PIGR: variants seen among roughly 807,000 people sequenced by gnomAD.
PIGR encodes polymeric immunoglobulin receptor, also known as hepatocellular carcinoma associated protein TB6.
Under a neutral mutation model 69.5 loss-of-function variants are expected in PIGR, and 22 were observed. The ratio of observed to expected loss-of-function variants is 0.32; its 90% CI spans 0.23 to 0.45. The LOEUF is 0.45. Among genes scored for constraint, PIGR ranks in the 20% least tolerant of loss-of-function variants. The pLI, the probability that PIGR is intolerant of heterozygous loss-of-function variation, is 1.00. For synonymous variants in PIGR, 413 were observed against 407.6 expected, an observed-to-expected ratio of 1.01 and a Z score of -0.16; for missense variants, 885 against 974.0, an observed-to-expected ratio of 0.91 and a Z score of 1.22.
At position 206,931,491 on chromosome 1, in the gene PIGR, C is replaced by T. The variant is rs757350523; in HGVS notation, c.2199+6G>A. The T allele has an allele frequency of 1.9e-6, 3 of 1,613,964 alleles. No homozygotes were observed. Among genetic ancestry groups the T allele is most frequent in the African/African-American group, 2.7e-5 (2 of 74,880 alleles). ...CATGTAGTGGGGCTTCCTTCTTCCT[C>T]CTCACCCTTTTTGCCTTCTTGGGTT... On this transcript the variant is annotated splice_donor_region_variant and intron_variant, in intron 10 of 10. Transcript: ENST00000356495.
intron 4 of PIGR, among the ~76,000 whole-genome samples, chr1:206,936,080 A>G (rs503746): frequency 0.18 from 28,088 of 152,116 alleles, 6,596 homozygotes; most frequent in African/African-American, 0.55. Context: ...TATTCTGAGC[A>G]GAGAATGGAA....
chr1:206,936,977 T>C (rs886396848), intron 4 of PIGR, 118 bp downstream of exon 4: 11 of 1,020,034 alleles, frequency 1.1e-5, no homozygotes, highest in Admixed American at 6.3e-5. Context: ...GGGCTGGTCA[T>C]TGAGTGGATG....
At chr1:206,932,419 T>A in intron 8 of PIGR, 37 bp downstream of exon 8, 1 of 1,585,896 alleles carries the variant, frequency 6.3e-7, no homozygotes, top group Non-Finnish European at 8.6e-7. Flanking sequence ...AGGGCTCGGG[T>A]TGGAGGTGGG....
Position 206,932,455 on chromosome 1 carries a change from C to A in PIGR, c.2008+1G>T, listed in dbSNP as rs766535131. On this transcript the variant is annotated splice_donor_variant, in intron 8 of 10. Transcript: ENST00000356495. LOFTEE classifies it high-confidence loss of function. ...AGGCAGGGAGTATCCCAGGGACTCA[C>A]CGACGTTCTTCCTGTGCCGGGCTCT... 1 of 1,609,976 alleles carries A rather than the reference C, an allele frequency of 6.2e-7. No individual in the cohort carries two copies. The highest frequency in any genetic ancestry group is 1.1e-5 in the South Asian group (1 of 90,550).
rs291097 is a variant in PIGR at position 206,937,543 on chromosome 1, G to A, written c.597C>T (p.Gly199=). Residue 199 remains glycine, a synonymous_variant, in exon 4 of 11, where the codon GGC becomes GGT. Transcript: ENST00000356495. ...TGATGACAACGCTGAACAGTAACTG[G>A]CCAGTACCCTGAATATCAAGGCGTA... ...GRIRLDIQGT[G]QLLFSVVINQ... 0.061 allele frequency: 98,573 copies of A among 1,613,986 alleles called. 16,740 individuals are homozygous for A. The African/African-American group carries it at 0.61, about 10-fold the overall frequency.
At chr1:206,945,569 T>C (rs1680088337) in intron 1 of PIGR, among the ~76,000 whole-genome samples, 1 of 152,072 alleles carries the variant, frequency 6.6e-6, no homozygotes, top group Admixed American at 6.5e-5. Context: ...TTTTTCTACC[T>C]CTAGGAAGGG....
intron 9 of PIGR, 54 bp from the exon 10 acceptor site, chr1:206,931,609 A>G: frequency 6.2e-7 from 1 of 1,613,904 alleles, no homozygotes; most frequent in Non-Finnish European, 8.5e-7. Context: ...TTCCCAACCC[A>G]GATGTGAGAC....
chr1:206,932,895 G>C (rs1401090754), intron 7 of PIGR, 91 bp downstream of exon 7: 13 of 1,317,646 alleles, frequency 9.9e-6, no homozygotes, highest in Non-Finnish European at 1.4e-5. Flanking sequence ...TCAAGAGACA[G>C]ATGGGCTTTC....
chr1:206,935,764 A>G lies in PIGR; in HGVS notation c.1100T>C (p.Val367Ala). The change falls in exon 5 of 11, where the codon GTG becomes GCG. Residue 367 changes from valine to alanine, a missense_variant. Coordinates refer to ENST00000356495, the MANE Select transcript of PIGR (RefSeq NM_002644.4). This position sits in a 1 kb window ranked among gnomAD's most constrained non-coding sequence, Gnocchi z 4.4. ...TVVKGVAGGS[V>A]AVLCPYNRKE... The stretch of plus-strand genomic sequence containing the variant: ...ACGGTTGTAGGGGCAGAGCACGGCC[A>G]CAGAGCCTCCTGCCACCCCCTTCAC... The G allele has an allele frequency of 6.2e-7, 1 of 1,613,484 alleles. No homozygotes were observed. The highest frequency in any genetic ancestry group is 8.5e-7 in the Non-Finnish European group (1 of 1,179,504).
chr1:206,945,785 T>C (rs980424252), intron 1 of PIGR, among the ~76,000 whole-genome samples: 1 of 152,228 alleles, frequency 6.6e-6, no homozygotes, highest in African/African-American at 2.4e-5. Context: ...CACTATCTAA[T>C]TCCAGGTCTG....
chr1:206,945,065 G>A (rs1680077807), intron 1 of PIGR, among the ~76,000 whole-genome samples: 1 of 152,174 alleles, frequency 6.6e-6, no homozygotes, highest in Non-Finnish European at 1.5e-5. Flanking sequence ...GCGGCACTAG[G>A]AGATAAGCAG....
chr1:206,935,756 G>C lies in PIGR; in HGVS notation c.1108C>G (p.Leu370Val). The stretch of plus-strand genomic sequence containing the variant: ...CTTTCCTTACGGTTGTAGGGGCAGA[G>C]CACGGCCACAGAGCCTCCTGCCACC... ...KGVAGGSVAV[L>V]CPYNRKESKS... The change falls in exon 5 of 11, where the codon CTC (leucine) becomes GTC (valine). Residue 370 changes from leucine to valine, a missense_variant. Physicochemically the swap from Leu to Val is conservative, Grantham distance 32. Transcript: ENST00000356495. This position sits in a 1 kb window ranked among gnomAD's most constrained non-coding sequence, Gnocchi z 4.4. The C allele has an allele frequency of 6.2e-7, 1 of 1,613,844 alleles. No individual in the cohort carries two copies. The highest frequency in any genetic ancestry group is 8.5e-7 in the Non-Finnish European group (1 of 1,179,798).
intron 6 of PIGR, 77 bp from the exon 7 acceptor site, chr1:206,933,243 A>G: frequency 2.1e-6 from 3 of 1,423,494 alleles, no homozygotes; most frequent in South Asian, 2.6e-5. Flanking sequence ...AGTCTGGGGG[A>G]GACTTCATGA....
At chr1:206,943,968 G>A (rs189979140) in intron 1 of PIGR, among the ~76,000 whole-genome samples, 2 of 152,332 alleles carry the variant, frequency 1.3e-5, no homozygotes, top group African/African-American at 4.8e-5. Context: ...AGAGAGGTGA[G>A]ACATTTGCCC....
In PIGR at chr1:206,929,121, T is replaced by G. The variant is rs1558010145; in HGVS notation, c.*1197A>C. 6.7e-6 allele frequency: 1 copy of G among 150,216 alleles called. No individual in the cohort carries two copies. The highest frequency in any genetic ancestry group is 1.5e-5 in the Non-Finnish European group (1 of 67,958). 9.3% of individuals were successfully genotyped at this position (150,216 alleles called of 1,614,324 possible). A position where few individuals can be genotyped will look rare whatever the true frequency, so the allele number is the denominator to read the frequency against. ...AGCCAGACATGGTGGCCCACATCTG[T>G]AGTCCCAGCTACTTGAGAGGCTGAG... On this transcript the variant is annotated 3_prime_UTR_variant, in exon 11 of 11. Coordinates refer to ENST00000356495, the MANE Select transcript of PIGR (RefSeq NM_002644.4).
rs770803277 is a variant in PIGR at position 206,934,684 on chromosome 1, G to C, written c.1441C>G (p.Pro481Ala). Reference sequence around the variant, plus strand: ...GAGAATTTGCATGGAAAGTGACAGGGGACCTTGAGAGTCTCTCCCAGCACA... The same window carrying C: ...GAGAATTTGCATGGAAAGTGACAGGCGACCTTGAGAGTCTCTCCCAGCACA... ...TAVLGETLKV[P>A]CHFPCKFSSY... Residue 481 changes from proline to alanine, a missense_variant, in exon 6 of 11, where the codon CCC becomes GCC. Pro to Ala is a conservative substitution (Grantham distance 27). Transcript: ENST00000356495. 2.5e-6 allele frequency: 4 copies of C among 1,613,218 alleles called. No individual in the cohort carries two copies. The East Asian group carries it at 8.9e-5, about 36-fold the overall frequency.
chr1:206,930,119 C>G lies in PIGR; in HGVS notation c.*199G>C, dbSNP rs1332311063. Reference sequence around the variant, plus strand: ...AAGTTGCAAGTGGGACCTCCTCATGCCACCCTCATCCCCAATAGGAACAAT... The same window carrying G: ...AAGTTGCAAGTGGGACCTCCTCATGGCACCCTCATCCCCAATAGGAACAAT... On this transcript the variant is annotated 3_prime_UTR_variant, in exon 11 of 11. Transcript: ENST00000356495. The surrounding 1 kb of genome is among the most constrained non-coding windows in gnomAD (Gnocchi z 4.3). 1 of 452,074 alleles carries G rather than the reference C, an allele frequency of 2.2e-6. No homozygotes were observed. The highest frequency in any genetic ancestry group is 3.9e-6 in the Non-Finnish European group (1 of 257,540). 28.0% of individuals were successfully genotyped at this position (452,074 alleles called of 1,614,324 possible).
chr1:206,937,158 G>C lies in PIGR; in HGVS notation c.982C>G (p.His328Asp). 1 of 1,613,580 alleles carries C rather than the reference G, an allele frequency of 6.2e-7. No individual in the cohort carries two copies. Among genetic ancestry groups the C allele is most frequent in the Non-Finnish European group, 8.5e-7 (1 of 1,179,786 alleles). The change falls in exon 4 of 11, where the codon CAT becomes GAT. Residue 328 changes from histidine (H) to aspartate (D), a missense_variant. His to Asp is a moderately conservative substitution (Grantham distance 81). Transcript: ENST00000356495. The stretch of plus-strand genomic sequence containing the variant: ...CCTTCCTGCAGCTGACCATCCGAAT[G>C]GGCTCCACACAGGTAGCGCCCTGCA... ...EDAGRYLCGA[H>D]SDGQLQEGSP...
At chr1:206,931,350 G>T (rs1340447005) in intron 10 of PIGR, 147 bp downstream of exon 10, 1 of 1,544,824 alleles carries the variant, frequency 6.5e-7, no homozygotes, top group African/African-American at 1.4e-5. Context: ...TCCTCAAAAA[G>T]TCCTGAGGAC....
Sources: gnomAD v4.1 joint callset for allele counts (sites outside exome capture counted in the v4.1 genomes callset) on GRCh38, gnomAD v4.1.1 for gene constraint, Gnocchi (gnomAD v3.1) non-coding constraint, MANE v1.5 for transcripts, NCBI Gene and HGNC (gene_info 2026-07-23, HGNC 2026-07-21) for gene names.